OFD1: variants seen among roughly 807,000 people sequenced by gnomAD.
OFD1 encodes the protein OFD1 centriole and centriolar satellite protein, also known as centriole and centriolar satellite protein OFD1.
Under a neutral mutation model 81.4 loss-of-function variants are expected in OFD1, and 12 were observed. The observed-to-expected ratio is 0.15, with a 90% confidence interval of 0.09 to 0.24. The LOEUF is 0.24. Among genes scored for constraint, OFD1 ranks in the 10% least tolerant of loss-of-function variants. The pLI, the probability that OFD1 is intolerant of heterozygous loss-of-function variation, is 1.00. For missense variants in OFD1, 685 were observed against 733.9 expected, an observed-to-expected ratio of 0.93 and a Z score of 0.77; for synonymous variants, 256 against 263.7, an observed-to-expected ratio of 0.97 and a Z score of 0.28.
chrX:13,723,674 G>A, the OFD1 span, among the ~76,000 whole-genome samples: 1 of 111,440 alleles, frequency 9.0e-6, no homozygotes, highest in Admixed American at 9.6e-5. Flanking sequence ...TCCAAGAGAG[G>A]CTTGGCCCAG....
At chrX:13,719,926 T>C in the OFD1 span, 10 of 1,203,876 alleles carry the variant, frequency 8.3e-6, no homozygotes, top group Non-Finnish European at 1.1e-5. Flanking sequence ...TGGATTATCA[T>C]GGTGGCCAAC....
chrX:13,717,059 AAAAAAC>A, the OFD1 span, among the ~76,000 whole-genome samples: 2 of 105,442 alleles, frequency 1.9e-5, no homozygotes, highest in Non-Finnish European at 3.9e-5. Flanking sequence ...AAAAAAAAAA[AAAAAAC>A]AAGATCCTGT....
At chrX:13,716,838 CATATT>C in the OFD1 span, 2 of 500,769 alleles carry the variant, frequency 4.0e-6, no homozygotes, top group Non-Finnish European at 6.5e-6. Flanking sequence ...GATCTGTTTT[CATATT>C]ATATTCTATT....
At chrX:13,772,923 A>G, downstream of OFD1, 3 of 1,210,611 alleles carry the variant, frequency 2.5e-6, no homozygotes, top group Admixed American at 2.2e-5. Context: ...GAGACTGGAT[A>G]TCTTGCAGTT....
At position 13,768,169 on chromosome X, in the gene OFD1, T is replaced by C. The variant is rs2147086332; in HGVS notation, c.2873T>C (p.Leu958Ser). 8.3e-7 allele frequency: 1 copy of C among 1,210,814 alleles called. No homozygotes were observed. The highest frequency in any genetic ancestry group is 1.1e-6 in the Non-Finnish European group (1 of 894,588). The change falls in exon 21 of 23, where the codon TTA becomes TCA. Residue 958 changes from leucine to serine, a missense_variant. By Grantham distance (145) the Leu-to-Ser change is moderately radical. This residue lies in a region of OFD1 where 259 missense variants were observed against 254.4 expected (regional missense o/e 1.02). Transcript: ENST00000340096. Reference protein sequence around the residue: ...KDKSAHSENPLEKYMKIIQQE... With the variant: ...KDKSAHSENPSEKYMKIIQQE... ...AAATCTGCTCACAGTGAAAATCCTT[T>C]AGAGAAATACATGAAAATCATCCAG...
chrX:13,765,029 T>G (rs1271446335), intron 19 of OFD1, among the ~76,000 whole-genome samples: 1 of 112,027 alleles, frequency 8.9e-6, no homozygotes, highest in Non-Finnish European at 1.9e-5. Context: ...AATAATGTGA[T>G]AGGATAAGGG....
chrX:13,757,573 A>T, intron 13 of OFD1, 87 bp from the exon 14 acceptor site: 1 of 999,625 alleles, frequency 1.0e-6, no homozygotes, highest in Non-Finnish European at 1.4e-6. Context: ...AACACTTTAA[A>T]ACCCCTTTAA....
At chrX:13,770,399 G>A (rs2048274897), downstream of OFD1, among the ~76,000 whole-genome samples, 2 of 111,954 alleles carry the variant, frequency 1.8e-5, no homozygotes, top group African/African-American at 6.5e-5. Flanking sequence ...ACAAAGGCTG[G>A]GCCTCACTAA....
At chrX:13,761,534 T>C (rs1489039650) in intron 17 of OFD1, among the ~76,000 whole-genome samples, 1 of 112,446 alleles carries the variant, frequency 8.9e-6, no homozygotes, top group Non-Finnish European at 1.9e-5. Flanking sequence ...AAAACAAATG[T>C]ACAAAATCTG....
At chrX:13,773,058 T>TA, downstream of OFD1, 1 of 1,191,180 alleles carries the variant, frequency 8.4e-7, no homozygotes, top group Non-Finnish European at 1.1e-6. Flanking sequence ...GCATGATGGC[T>TA]AGTGAGCATT....
intron 15 of OFD1, among the ~76,000 whole-genome samples, chrX:13,759,791 A>G (rs1429921331): frequency 8.9e-6 from 1 of 112,567 alleles, no homozygotes; most frequent in Non-Finnish European, 1.9e-5. Context: ...CAAACTTTTC[A>G]ACCAAATGAG....
rs1216609066 is a variant in OFD1 at position 13,746,551 on chromosome X, A to T, written c.654+96A>T. 4.8e-6 allele frequency: 5 copies of T among 1,036,806 alleles called. No homozygotes were observed. In the East Asian group the frequency reaches 1.5e-4, roughly 32 times the overall value. The allele number at this position is 1,036,806 out of a possible 1,213,427, so 85.4% of individuals were successfully genotyped here. A position where few individuals can be genotyped will look rare whatever the true frequency, so the allele number is the denominator to read the frequency against. On this transcript the variant is annotated intron_variant, in intron 7 of 22. Transcript: ENST00000340096. ...ATATGGGAAAATATCTAGAACTTTT[A>T]ATAACGAATGGGATACTGTACTGTT...
chrX:13,772,024 A>ATT (rs1234694283), downstream of OFD1: 3 of 112,554 alleles, frequency 2.7e-5, no homozygotes, highest in Non-Finnish European at 5.6e-5. Flanking sequence ...CTTCTTAATA[A>ATT]TTAAGAAAAA....
chrX:13,718,891 C>T, the OFD1 span, among the ~76,000 whole-genome samples: 4 of 111,593 alleles, frequency 3.6e-5, no homozygotes, highest in African/African-American at 6.5e-5. Flanking sequence ...TGTAGTGGCT[C>T]ATGTCTGCAA....
chrX:13,741,183 G>C (rs2047086265), intron 5 of OFD1, among the ~76,000 whole-genome samples: 1 of 111,600 alleles, frequency 9.0e-6, no homozygotes, highest in Non-Finnish European at 1.9e-5. Flanking sequence ...AAATGCATCT[G>C]GTTCAGAAAG....
intron 8 of OFD1, among the ~76,000 whole-genome samples, chrX:13,747,812 A>G (rs2047352540): frequency 8.9e-6 from 1 of 111,754 alleles, no homozygotes; most frequent in African/African-American, 3.3e-5. Context: ...AGTCACCACA[A>G]GGGTCATCCA....
rs1484382073 is a variant in OFD1 at position 13,757,674 on chromosome X, G to C, written c.1426G>C (p.Ala476Pro). ...LRLLNRLAQP[A>P]PELAVFQKEL... ...TACCTTCTTAGGCCTAGCTCAGCCG[G>C]CTCCTGAACTTGCAGTCTTTCAGAA... Residue 476 changes from alanine to proline, a missense_variant, in exon 14 of 23, where the codon GCT (alanine) becomes CCT (proline). Coordinates refer to ENST00000340096, the MANE Select transcript of OFD1 (RefSeq NM_003611.3). The C allele has an allele frequency of 8.3e-7, 1 of 1,208,741 alleles. No homozygotes were observed. The highest frequency in any genetic ancestry group is 2.2e-5 in the Admixed American group (1 of 45,837).
chrX:13,736,668 C>T lies in OFD1; in HGVS notation c.302C>T (p.Ala101Val). 1.1e-5 allele frequency: 13 copies of T among 1,198,571 alleles called. No individual in the cohort carries two copies. Among genetic ancestry groups the T allele is most frequent in the Non-Finnish European group, 1.5e-5 (13 of 884,011 alleles). The change falls in exon 3 of 23, where the codon GCA (alanine) becomes GTA (valine). Residue 101 changes from alanine to valine, a missense_variant. Ala to Val is a moderately conservative substitution (Grantham distance 64). Transcript: ENST00000340096. ...LSVFFPESGL[A>V]KEKVFTMQDL... is the part of the protein sequence containing the mutation. ...GTTTTCTTTCCAGAAAGTGGTTTGG[C>T]AAAAGAAAAGGTAAAGTCTTTCCTT...
chrX:13,759,785 CT>C (rs987455205), intron 15 of OFD1, among the ~76,000 whole-genome samples: 1 of 112,537 alleles, frequency 8.9e-6, no homozygotes, highest in African/African-American at 3.2e-5. Flanking sequence ...TCAGGTCAAA[CT>C]TTTCAACCAA....
Sources: allele counts gnomAD v4.1 joint callset (sites outside exome capture counted in the v4.1 genomes callset), GRCh38; gene constraint gnomAD v4.1.1; regional missense constraint gnomAD v4.1.1; transcripts MANE v1.5; gene names NCBI Gene and HGNC (gene_info 2026-07-23, HGNC 2026-07-21).